CLIP2: variants seen among roughly 807,000 people sequenced by gnomAD.
CLIP2 encodes CAP-Gly domain containing linker protein 2, also known as CAP-Gly domain-containing linker protein 2.
CLIP2 carries 41 observed loss-of-function variants against 111.7 expected under a neutral mutation model. That is an observed-to-expected ratio of 0.37 (90% confidence interval 0.29 to 0.48). The LOEUF (loss-of-function observed/expected upper bound fraction) is 0.48. Ranked by LOEUF, CLIP2 falls within the 20% of genes least tolerant of loss-of-function variation. CLIP2 has a pLI of 0.99. For synonymous variants in CLIP2, 660 were observed against 644.2 expected (o/e 1.02, Z -0.37); for missense variants, 1,160 against 1,422.1 (o/e 0.82, Z 2.96).
intron 11 of CLIP2, among the ~76,000 whole-genome samples, chr7:74,384,439 T>C (rs1791026788): frequency 7.1e-6 from 1 of 140,366 alleles, no homozygotes; most frequent in African/African-American, 2.8e-5. Context: ...CTAGGTCATA[T>C]GATTTTTTTT....
chr7:74,338,991 G>C lies in CLIP2; in HGVS notation c.665G>C (p.Gly222Ala), dbSNP rs1554732839. The part of the protein sequence containing the change: ...VKRGEKDLRL[G>A]DRVLVGGTKT... ...CGGGGCGAAAAGGACCTGCGCCTGGGGGACCGCGTGCTGGTGAGTGCGGGC... is the reference window on the plus strand; with the variant it reads ...CGGGGCGAAAAGGACCTGCGCCTGGCGGACCGCGTGCTGGTGAGTGCGGGC... Residue 222 changes from glycine (G) to alanine (A), a missense_variant, in exon 3 of 17, where the codon GGG (glycine) becomes GCG (alanine). Physicochemically the swap from Gly to Ala is moderately conservative, Grantham distance 60. Coordinates refer to ENST00000223398, the MANE Select transcript of CLIP2 (RefSeq NM_003388.5). This position sits in a 1 kb window ranked among gnomAD's most constrained non-coding sequence, Gnocchi z 4.3. 1 of 1,597,552 alleles carries C rather than the reference G, an allele frequency of 6.3e-7. No individual in the cohort carries two copies. Among genetic ancestry groups the C allele is most frequent in the South Asian group, 1.1e-5 (1 of 90,996 alleles).
Position 74,400,484 on chromosome 7 carries a change from G to C in CLIP2, c.2995G>C (p.Asp999His). ...GATGAGCACGGAGGACGCCCTGCGG[G>C]ATGCGCTGGACCAGGCTCAGCAGGT... ...QLMSTEDALR[D>H]ALDQAQQVEK... Residue 999 changes from aspartate (D) to histidine (H), a missense_variant, in exon 15 of 17, where the codon GAT (aspartate) becomes CAT (histidine). Physicochemically the swap from Asp to His is moderately conservative, Grantham distance 81. This residue lies in a region of CLIP2 where 676 missense variants were observed against 777.8 expected (regional missense o/e 0.87). Coordinates refer to ENST00000223398, the MANE Select transcript of CLIP2 (RefSeq NM_003388.5). 1 of 1,613,790 alleles carries C rather than the reference G, an allele frequency of 6.2e-7. No homozygotes were observed. The highest frequency in any genetic ancestry group is 1.7e-5 in the Admixed American group (1 of 59,956).
At chr7:74,349,463 T>C in intron 3 of CLIP2, among the ~76,000 whole-genome samples, 1 of 80,010 alleles carries the variant, frequency 1.2e-5, no homozygotes, top group Non-Finnish European at 2.5e-5. Flanking sequence ...TATGTGTGTG[T>C]GTGTGTGTAT....
Position 74,339,155 on chromosome 7 carries a change from C to A in CLIP2, c.678+151C>A. On this transcript the variant is annotated intron_variant, in intron 3 of 16. Coordinates refer to ENST00000223398, the MANE Select transcript of CLIP2 (RefSeq NM_003388.5). ...CCAGCCTGGGACACCCATTCCTTAT[C>A]AGGACCATACAGAGTGACAAGAGAG... 4.5e-6 allele frequency: 3 copies of A among 668,896 alleles called. No individual in the cohort carries two copies. In the South Asian group the frequency reaches 5.8e-5, roughly 13 times the overall value. 41.4% of individuals were successfully genotyped at this position (668,896 alleles called of 1,614,324 possible).
chr7:74,358,786 G>T (rs549473943), intron 6 of CLIP2, among the ~76,000 whole-genome samples: 1 of 151,946 alleles, frequency 6.6e-6, no homozygotes, highest in Non-Finnish European at 1.5e-5. Flanking sequence ...GCCCAGGCTG[G>T]TCTGAAACTC....
chr7:74,355,344 T>C (rs781962857), intron 4 of CLIP2, among the ~76,000 whole-genome samples: 1 of 152,144 alleles, frequency 6.6e-6, no homozygotes, highest in Non-Finnish European at 1.5e-5. Context: ...GCATGGTGAC[T>C]CATGTTTGTA....
At chr7:74,352,851 A>T (rs1454923203) in intron 3 of CLIP2, among the ~76,000 whole-genome samples, 5 of 151,974 alleles carry the variant, frequency 3.3e-5, no homozygotes, top group African/African-American at 7.2e-5. Context: ...TCTACAAAAA[A>T]TTTTTAAAAA....
Position 74,376,212 on chromosome 7 carries a change from G to T in CLIP2, c.1811G>T (p.Ser604Ile). ...GLKDKVQQAT[S>I]ENMGLMDNWK... is the part of the protein sequence containing the mutation. ...AAGGACAAGGTTCAGCAGGCCACCA[G>T]CGAGAACATGGGGCTAATGGACAAC... Residue 604 changes from serine (S) to isoleucine (I), a missense_variant, in exon 10 of 17, where the codon AGC (serine) becomes ATC (isoleucine). Physicochemically the swap from Ser to Ile is moderately radical, Grantham distance 142 (BLOSUM62 -2). Around this residue, in one of 5 missense-constraint regions of CLIP2, gnomAD observed 676 missense variants for 777.8 expected, o/e 0.87. Coordinates refer to ENST00000223398, the MANE Select transcript of CLIP2 (RefSeq NM_003388.5). This position sits in a 1 kb window ranked among gnomAD's most constrained non-coding sequence, Gnocchi z 7.1. 2 of 1,612,850 alleles carry T rather than the reference G, an allele frequency of 1.2e-6. No homozygotes were observed. Among genetic ancestry groups the T allele is most frequent in the Non-Finnish European group, 8.5e-7 (1 of 1,179,524 alleles).
Position 74,403,822 on chromosome 7 carries a change from C to T in CLIP2, c.3130-15C>T. 2 of 1,613,220 alleles carry T rather than the reference C, an allele frequency of 1.2e-6. No homozygotes were observed. Among genetic ancestry groups the T allele is most frequent in the Non-Finnish European group, 8.5e-7 (1 of 1,179,762 alleles). On this transcript the variant is annotated splice_polypyrimidine_tract_variant and intron_variant, in intron 16 of 16. Coordinates refer to ENST00000223398, the MANE Select transcript of CLIP2 (RefSeq NM_003388.5). ...CTCTGAGACCCTTGCTGATGATGCC[C>T]TTTACTCTCTCTAGGACAAGCACTG...
chr7:74,380,143 C>G (rs1393713149), intron 10 of CLIP2: 1 of 151,956 alleles, frequency 6.6e-6, no homozygotes, highest in African/African-American at 2.4e-5. Flanking sequence ...CAGTGCCAGA[C>G]TCTGGCTGGC....
chr7:74,300,617 G>A (rs899781298), intron 1 of CLIP2, among the ~76,000 whole-genome samples: 6 of 151,882 alleles, frequency 4.0e-5, no homozygotes, highest in African/African-American at 1.5e-4. Context: ...CACCACGCCC[G>A]GCTAATTTTT....
In CLIP2 at chr7:74,372,857, GCTT is replaced by G. The variant is rs1324935600; in HGVS notation, c.1381-67_1381-65del. On this transcript the variant is annotated intron_variant, in intron 8 of 16. Coordinates refer to ENST00000223398, the MANE Select transcript of CLIP2 (RefSeq NM_003388.5). ...CTCTCTCTCTTTCTCTCTCTCTCCGGCTTCTTCTTCCCTGTGCCCCCCTCCCTG... is the reference window on the plus strand; with the variant it reads ...CTCTCTCTCTTTCTCTCTCTCTCCGGCTTCTTCCCTGTGCCCCCCTCCCTG... 6.5e-6 allele frequency: 5 copies of G among 774,050 alleles called. No homozygotes were observed. The Admixed American group carries it at 7.0e-5, about 11-fold the overall frequency. The allele number at this position is 774,050 out of a possible 1,614,324, so 47.9% of individuals were successfully genotyped here.
chr7:74,380,708 A>T lies in CLIP2; in HGVS notation c.2422-98A>T, dbSNP rs1054446045. ...CGTCACTGAGGTCCCCCTTTGTAGGAGTAGGGTGTGCAAACTGCAGGTGTG... is the reference window on the plus strand; with the variant it reads ...CGTCACTGAGGTCCCCCTTTGTAGGTGTAGGGTGTGCAAACTGCAGGTGTG... On this transcript the variant is annotated intron_variant, in intron 10 of 16. Coordinates refer to ENST00000223398, the MANE Select transcript of CLIP2 (RefSeq NM_003388.5). 11 of 949,468 alleles carry T rather than the reference A, an allele frequency of 1.2e-5. No homozygotes were observed. In the African/African-American group the frequency reaches 1.6e-4, roughly 14 times the overall value. 58.8% of individuals were successfully genotyped at this position (949,468 alleles called of 1,614,324 possible). A position where few individuals can be genotyped will look rare whatever the true frequency, so the allele number is the denominator to read the frequency against.
intron 1 of CLIP2, among the ~76,000 whole-genome samples, chr7:74,290,268 C>T (rs1212312073): frequency 6.6e-6 from 1 of 152,218 alleles, no homozygotes; most frequent in Non-Finnish European, 1.5e-5. Flanking sequence ...TGGCCGATGG[C>T]CTTTGCAAAA....
At chr7:74,362,328 C>T (rs1790349568) in intron 7 of CLIP2, among the ~76,000 whole-genome samples, 1 of 152,084 alleles carries the variant, frequency 6.6e-6, no homozygotes, top group African/African-American at 2.4e-5. Context: ...AGCCAGCCCC[C>T]ATCCCCAACA....
intron 8 of CLIP2, among the ~76,000 whole-genome samples, chr7:74,370,269 C>A (rs1183692827): frequency 1.3e-5 from 2 of 151,112 alleles, no homozygotes; most frequent in African/African-American, 2.4e-5. Flanking sequence ...ATCCTGGCTA[C>A]CATGGTGAAA....
At chr7:74,313,791 C>T (rs1005971556) in intron 1 of CLIP2, among the ~76,000 whole-genome samples, 30 of 152,148 alleles carry the variant, frequency 2.0e-4, no homozygotes, top group Admixed American at 9.8e-4. Flanking sequence ...GGCCCTGAGA[C>T]GCCTCACCTG....
intron 2 of CLIP2, among the ~76,000 whole-genome samples, chr7:74,334,571 G>A (rs781924761): frequency 1.3e-5 from 2 of 152,112 alleles, no homozygotes; most frequent in Non-Finnish European, 2.9e-5. Context: ...GGGCTACAGT[G>A]GTTCTGTTCA....
chr7:74,303,222 G>T (rs1052275214), intron 1 of CLIP2, among the ~76,000 whole-genome samples: 4 of 152,190 alleles, frequency 2.6e-5, no homozygotes, highest in Non-Finnish European at 2.9e-5. Flanking sequence ...CTTCACCACT[G>T]GGTGACCTAA....
Sources: allele counts gnomAD v4.1 joint callset (sites outside exome capture counted in the v4.1 genomes callset), GRCh38; gene constraint gnomAD v4.1.1; regional missense constraint gnomAD v4.1.1; non-coding constraint Gnocchi (gnomAD v3.1); transcripts MANE v1.5; gene names NCBI Gene and HGNC (gene_info 2026-07-23, HGNC 2026-07-21).